Variants in DNPEP observed in about 807,000 individuals in gnomAD.
The protein encoded by DNPEP is aspartyl aminopeptidase.
A neutral mutation model predicts 59.1 loss-of-function variants in DNPEP; 46 were observed. The observed-to-expected ratio is 0.78, with a 90% confidence interval of 0.61 to 0.99. DNPEP has a LOEUF of 0.99. DNPEP is among the 50% of genes least tolerant of loss of function. The pLI, the probability that DNPEP is intolerant of heterozygous loss-of-function variation, is 0.00. For synonymous variants in DNPEP, 229 were observed against 242.2 expected (o/e 0.95, Z 0.50); for missense variants, 617 against 649.9 (o/e 0.95, Z 0.55).
chr2:219,396,554 C>T (rs1246968273), intron 1 of DNPEP, among the ~76,000 whole-genome samples: 1 of 151,608 alleles, frequency 6.6e-6, no homozygotes, highest in Non-Finnish European at 1.5e-5. Flanking sequence ...TACCACTACA[C>T]TCTAGCCTGG....
Position 219,373,501 on chromosome 2 carries a change from A to C in DNPEP, c.*791T>G, listed in dbSNP as rs1368110289. ...CAGTCTCCTGAATAGCTGAGATTAC[A>C]GGTGTGTGCCACCATGCCTGGCTAA... On this transcript the variant is annotated 3_prime_UTR_variant, in exon 15 of 15. Coordinates refer to ENST00000273075, the MANE Select transcript of DNPEP (RefSeq NM_012100.4). 1 of 152,222 alleles carries C rather than the reference A, an allele frequency of 6.6e-6. No homozygotes were observed. Among genetic ancestry groups the C allele is most frequent in the African/African-American group, 2.4e-5 (1 of 41,390 alleles). 9.4% of individuals were successfully genotyped at this position (152,222 alleles called of 1,614,324 possible).
chr2:219,384,752 A>G (rs1370611064), intron 8 of DNPEP: 1 of 265,878 alleles, frequency 3.8e-6, no homozygotes, highest in East Asian at 1.2e-4. Flanking sequence ...TATTTTTATT[A>G]GAGACAGGGT....
chr2:219,397,421 A>G (rs1954117294), intron 1 of DNPEP, among the ~76,000 whole-genome samples: 1 of 152,082 alleles, frequency 6.6e-6, no homozygotes, highest in South Asian at 2.1e-4. Flanking sequence ...GCTGGAGTAC[A>G]GTGGCGTGAT....
chr2:219,397,646 T>C (rs529692472), intron 1 of DNPEP, among the ~76,000 whole-genome samples: 25 of 152,328 alleles, frequency 1.6e-4, no homozygotes, highest in African/African-American at 5.8e-4. Flanking sequence ...AGAAGAGATA[T>C]CTGGGCTGGG....
rs143736648 is a variant in DNPEP, at chr2:219,380,469, G to A, written c.1239+866C>T. On this transcript the variant is annotated intron_variant, in intron 13 of 14. Coordinates refer to ENST00000273075, the MANE Select transcript of DNPEP (RefSeq NM_012100.4). Reference sequence around the variant, plus strand: ...ACTCCTGACCTCAAGTGATCTGCCTGTCTTGGCCTCCCAAAATGCTGGGAT... The same window carrying A: ...ACTCCTGACCTCAAGTGATCTGCCTATCTTGGCCTCCCAAAATGCTGGGAT... 5.5e-3 allele frequency among the ~76,000 whole-genome samples: 831 copies of A among 152,210 alleles called. 7 individuals are homozygous for A. The highest frequency in any genetic ancestry group is 0.018 in the African/African-American group (757 of 41,530).
At chr2:219,378,916 ATTG>A (rs1424342489) in intron 13 of DNPEP, among the ~76,000 whole-genome samples, 2 of 151,818 alleles carry the variant, frequency 1.3e-5, no homozygotes, top group African/African-American at 4.8e-5. Flanking sequence ...TATGCTTTTT[ATTG>A]TTATTTATTT....
At chr2:219,381,726 A>T (rs1001039529) in intron 11 of DNPEP, 142 bp from the exon 12 acceptor site, 1 of 1,054,420 alleles carries the variant, frequency 9.5e-7, no homozygotes, top group Admixed American at 1.8e-5. Flanking sequence ...TTCCACACAC[A>T]GGGTTCCGGG....
At chr2:219,392,980 G>A (rs1375127446), upstream of DNPEP, among the ~76,000 whole-genome samples, 1 of 152,086 alleles carries the variant, frequency 6.6e-6, no homozygotes, top group Non-Finnish European at 1.5e-5. Flanking sequence ...AACCCTGACT[G>A]CAACCAGCTC....
intron 1 of DNPEP, among the ~76,000 whole-genome samples, chr2:219,394,155 T>C (rs1954060357): frequency 6.6e-6 from 1 of 152,202 alleles, no homozygotes; most frequent in Non-Finnish European, 1.5e-5. Flanking sequence ...CCGATTCCTC[T>C]CCTCCCATTC....
At position 219,384,404 on chromosome 2, in the gene DNPEP, G is replaced by T; in HGVS notation, c.814C>A (p.Arg272=). ...GAYDEFIFAP[R]LDNLHSCFCA... is the part of the protein sequence containing the mutation. ...AAGCAGCTGTGCAGATTGTCCAGCC[G>T]AGGAGCAAAGATGAACTCATCATAG... The change falls in exon 9 of 15, where the codon CGG becomes AGG. Residue 272 remains arginine (R), a synonymous_variant. Coordinates refer to ENST00000273075, the MANE Select transcript of DNPEP (RefSeq NM_012100.4). 1 of 1,611,806 alleles carries T rather than the reference G, an allele frequency of 6.2e-7. No individual in the cohort carries two copies. The highest frequency in any genetic ancestry group is 1.1e-5 in the South Asian group (1 of 90,552).
chr2:219,382,243 G>C, intron 10 of DNPEP, 104 bp from the exon 11 acceptor site: 2 of 1,306,772 alleles, frequency 1.5e-6, no homozygotes, highest in Non-Finnish European at 2.1e-6. Context: ...ACCCCACTGA[G>C]TCACTGGGTG....
chr2:219,375,620 G>A (rs187908255), intron 13 of DNPEP, among the ~76,000 whole-genome samples: 7 of 152,154 alleles, frequency 4.6e-5, no homozygotes, highest in Non-Finnish European at 8.8e-5. Context: ...GGAGTGCAGT[G>A]GCGCAATCTC....
At chr2:219,387,192 C>G in intron 1 of DNPEP, 29 bp from the exon 2 acceptor site, 1 of 1,548,696 alleles carries the variant, frequency 6.5e-7, no homozygotes, top group Non-Finnish European at 8.7e-7. Context: ...CAGACTTTTA[C>G]AAGGTCTGGG....
At chr2:219,381,899 G>C in intron 11 of DNPEP, 80 bp downstream of exon 11, 1 of 1,540,428 alleles carries the variant, frequency 6.5e-7, no homozygotes, top group East Asian at 2.3e-5. Flanking sequence ...AAGAGGCTGG[G>C]GCCAAGGCAG....
chr2:219,394,430 A>G (rs1954064593), intron 1 of DNPEP, among the ~76,000 whole-genome samples: 1 of 152,048 alleles, frequency 6.6e-6, no homozygotes, highest in Non-Finnish European at 1.5e-5. Flanking sequence ...TAATGTTGTT[A>G]TTATTTTATT....
rs185725797 is a variant in DNPEP, at chr2:219,373,915, A to T, written c.*377T>A. ...AGGATCTCTGAAGGCAGAGCGGGAC[A>T]CCCATTCTGGGGATGGAAAGAGGGA... is the stretch of plus-strand genomic sequence containing the variant. On this transcript the variant is annotated 3_prime_UTR_variant, in exon 15 of 15. Coordinates refer to ENST00000273075, the MANE Select transcript of DNPEP (RefSeq NM_012100.4). 1 of 237,386 alleles carries T rather than the reference A, an allele frequency of 4.2e-6. No individual in the cohort carries two copies. The highest frequency in any genetic ancestry group is 9.2e-5 in the East Asian group (1 of 10,848). The allele number at this position is 237,386 out of a possible 1,614,324, so 14.7% of individuals were successfully genotyped here. A position where few individuals can be genotyped will look rare whatever the true frequency, so the allele number is the denominator to read the frequency against.
chr2:219,396,794 G>A (rs1252038529), intron 1 of DNPEP, among the ~76,000 whole-genome samples: 3 of 152,158 alleles, frequency 2.0e-5, no homozygotes, highest in African/African-American at 7.2e-5. Context: ...GTAATACTGT[G>A]CTGTGCTTAT....
At chr2:219,398,436 G>C (rs555127298) in intron 1 of DNPEP, among the ~76,000 whole-genome samples, 1 of 152,350 alleles carries the variant, frequency 6.6e-6, no homozygotes, top group South Asian at 2.1e-4. Flanking sequence ...GATCACCTGA[G>C]GTCAGGGGTT....
chr2:219,381,602 G>A lies in DNPEP; in HGVS notation c.1098-18C>T. 6.2e-7 allele frequency: 1 copy of A among 1,613,966 alleles called. No individual in the cohort carries two copies. Among genetic ancestry groups the A allele is most frequent in the Non-Finnish European group, 8.5e-7 (1 of 1,179,950 alleles). ...GCTTGTCCCTGTAAGAGACAGATAA[G>A]GGCCAGACATAGCAAACAGGAGCAG... On this transcript the variant is annotated intron_variant, in intron 11 of 14. Transcript: ENST00000273075.
Sources: allele counts gnomAD v4.1 joint callset (sites outside exome capture counted in the v4.1 genomes callset), GRCh38; gene constraint gnomAD v4.1.1; transcripts MANE v1.5; gene names NCBI Gene and HGNC (gene_info 2026-07-23, HGNC 2026-07-21).